SFPQ: variants seen among roughly 807,000 people sequenced by gnomAD.
The protein encoded by SFPQ is splicing factor, proline- and glutamine-rich.
In SFPQ, 11 loss-of-function variants were observed where a neutral mutation model predicts 72.9. The ratio of observed to expected loss-of-function variants is 0.15; its 90% CI spans 0.09 to 0.25. The LOEUF (loss-of-function observed/expected upper bound fraction) is 0.25. SFPQ is among the 10% of genes least tolerant of loss of function. The pLI is 1.00. For synonymous variants in SFPQ, 506 were observed against 367.3 expected, an observed-to-expected ratio of 1.38 and a Z score of -4.32; for missense variants, 847 against 993.3, an observed-to-expected ratio of 0.85 and a Z score of 1.98.
At position 35,192,640 on chromosome 1, in the gene SFPQ, G is replaced by A. The variant is rs777115964; in HGVS notation, c.410C>T (p.Pro137Leu). ...GGACCCTGGCGGGGCCCCCGAGGTT[G>A]GTGGAGTGGCGGGCGGGGCCGAGCT... ...ASSSAPPATP[P>L]TSGAPPGSGP... Residue 137 changes from proline (P) to leucine (L), a missense_variant, in exon 1 of 10, where the codon CCA becomes CTA. Physicochemically the swap from Pro to Leu is moderately conservative, Grantham distance 98. Transcript: ENST00000357214. The A allele has an allele frequency of 1.4e-6, 2 of 1,381,352 alleles. No homozygotes were observed. Among genetic ancestry groups the A allele is most frequent in the Non-Finnish European group, 1.9e-6 (2 of 1,077,274 alleles). 85.6% of individuals were successfully genotyped at this position (1,381,352 alleles called of 1,614,324 possible). A position where few individuals can be genotyped will look rare whatever the true frequency, so the allele number is the denominator to read the frequency against.
intron 1 of SFPQ, 83 bp from the exon 2 acceptor site, chr1:35,191,612 C>T: frequency 1.9e-6 from 2 of 1,061,972 alleles, no homozygotes; most frequent in South Asian, 1.5e-5. Flanking sequence ...TTATCTGAAA[C>T]CTATCAGTTG....
chr1:35,178,475 G>T (rs1364404924), downstream of SFPQ: 17 of 1,064,320 alleles, frequency 1.6e-5, no homozygotes, highest in Non-Finnish European at 1.8e-5. Flanking sequence ...CCTTCAGCAG[G>T]AGTCCTCCAA....
At chr1:35,181,798 A>T (rs1356700972), downstream of SFPQ, 1 of 984,894 alleles carries the variant, frequency 1.0e-6, no homozygotes, top group Non-Finnish European at 1.2e-6. Flanking sequence ...TATTAAGATT[A>T]TTTAAATTCA....
downstream of SFPQ, chr1:35,181,885 C>G (rs1333100034): frequency 1.0e-6 from 1 of 985,084 alleles, no homozygotes; most frequent in Non-Finnish European, 1.2e-6. Flanking sequence ...ACCCTGAGTA[C>G]ATTGCTGTTT....
downstream of SFPQ, chr1:35,179,574 T>C: frequency 9.5e-7 from 1 of 1,052,086 alleles, no homozygotes; most frequent in Non-Finnish European, 1.1e-6. Context: ...TTGAGTTTTT[T>C]AAAAAAACCC....
chr1:35,179,096 C>A, downstream of SFPQ: 1 of 1,057,394 alleles, frequency 9.5e-7, no homozygotes, highest in South Asian at 4.6e-5. Flanking sequence ...TAGCTGACAT[C>A]ACTAAAACAT....
At chr1:35,177,954 G>T, downstream of SFPQ, 1 of 1,046,524 alleles carries the variant, frequency 9.6e-7, no homozygotes, top group Non-Finnish European at 1.2e-6. Flanking sequence ...AAACTCAAAA[G>T]CCTGTAGGGG....
rs779410425 is a variant in SFPQ, at chr1:35,192,172, GGCC to G, written c.828+47_828+49del. Reference sequence around the variant, plus strand: ...AGCGCGGGGGCGGGGGCGAGGAGGGGGCCGCCGCCATCTTAGGGGAGCCGACGC... The same window carrying G: ...AGCGCGGGGGCGGGGGCGAGGAGGGGGCCGCCATCTTAGGGGAGCCGACGC... On this transcript the variant is annotated intron_variant, in intron 1 of 9. Transcript: ENST00000357214. The G allele has an allele frequency of 2.7e-5, 36 of 1,309,554 alleles. No homozygotes were observed. In the East Asian group the frequency reaches 7.1e-4, roughly 26 times the overall value. The allele number at this position is 1,309,554 out of a possible 1,614,324, so 81.1% of individuals were successfully genotyped here. A position where few individuals can be genotyped will look rare whatever the true frequency, so the allele number is the denominator to read the frequency against.
rs367647289 is a variant in SFPQ at position 35,188,074 on chromosome 1, G to A, written c.1714C>T (p.Arg572Cys). ...ATCATCATCTCTTCCTCTCTTCTAC[G>A]TCGTTCCTCCTCTTGCCTAGAAATA... ...EMQLRQEEERRRREEEMMIRQ... is the reference protein window; with the variant it reads ...EMQLRQEEERCRREEEMMIRQ... Residue 572 changes from arginine (R) to cysteine (C), a missense_variant, in exon 7 of 10, where the codon CGT becomes TGT. Transcript: ENST00000357214. The A allele has an allele frequency of 1.2e-6, 2 of 1,613,130 alleles. No homozygotes were observed. Among genetic ancestry groups the A allele is most frequent in the African/African-American group, 1.3e-5 (1 of 74,858 alleles).
intron 5 of SFPQ, among the ~76,000 whole-genome samples, chr1:35,176,858 A>G (rs1639263916): frequency 6.8e-6 from 1 of 147,398 alleles, no homozygotes; most frequent in Non-Finnish European, 1.5e-5. Flanking sequence ...TGGGCGACAG[A>G]GCAAGACTCC....
Position 35,183,223 on chromosome 1 carries a change from A to AC in SFPQ, c.*1232dup. The AC allele has an allele frequency of 1.0e-6, 1 of 968,642 alleles. No homozygotes were observed. The highest frequency in any genetic ancestry group is 1.2e-6 in the Non-Finnish European group (1 of 819,850). The allele number at this position is 968,642 out of a possible 1,614,324, so 60.0% of individuals were successfully genotyped here. On this transcript the variant is annotated 3_prime_UTR_variant, in exon 10 of 10. Coordinates refer to ENST00000357214, the MANE Select transcript of SFPQ (RefSeq NM_005066.3). ...ATAACTAAACCTACTTCAGTACTAA[A>AC]CCTTTTTTTTTTTTTGAGACAGAGT...
At position 35,183,225 on chromosome 1, in the gene SFPQ, C is replaced by CTT. The variant is rs776963224; in HGVS notation, c.*1229_*1230dup. ...AACTAAACCTACTTCAGTACTAAAC[C>CTT]TTTTTTTTTTTTTGAGACAGAGTCT... On this transcript the variant is annotated 3_prime_UTR_variant, in exon 10 of 10. Transcript: ENST00000357214. 472 of 758,488 alleles carry CTT rather than the reference C, an allele frequency of 6.2e-4. No homozygotes were observed. The highest frequency in any genetic ancestry group is 6.8e-4 in the South Asian group (10 of 14,720). The allele number at this position is 758,488 out of a possible 1,614,324, so 47.0% of individuals were successfully genotyped here. A position where few individuals can be genotyped will look rare whatever the true frequency, so the allele number is the denominator to read the frequency against.
intron 6 of SFPQ, 88 bp downstream of exon 6, chr1:35,188,915 T>C (rs889615897): frequency 1.0e-6 from 1 of 988,300 alleles, no homozygotes; most frequent in South Asian, 1.4e-5. Flanking sequence ...GAGCTGAGAC[T>C]GCACCACTGC....
downstream of SFPQ, chr1:35,182,562 A>G: frequency 1.0e-6 from 1 of 985,438 alleles, no homozygotes; most frequent in Non-Finnish European, 1.2e-6. Context: ...GAAAGTGCTC[A>G]GATTGTTCCA....
downstream of SFPQ, chr1:35,180,839 G>T: frequency 1.0e-6 from 1 of 985,344 alleles, no homozygotes; most frequent in Non-Finnish European, 1.2e-6. Flanking sequence ...CCACACCACT[G>T]ATGTGTTCCA....
chr1:35,181,696 T>C, downstream of SFPQ: 2 of 1,061,102 alleles, frequency 1.9e-6, no homozygotes, highest in Non-Finnish European at 2.3e-6. Context: ...TGGGGACAAG[T>C]GGTTTCTTTA....
At position 35,191,109 on chromosome 1, in the gene SFPQ, A is replaced by C. The variant is rs760294936; in HGVS notation, c.1018-114T>G. ...CTTCCTTCAGCTCAGTTCGACCATT[A>C]CCTTTAGGCAGCACCCACTAACACC... On this transcript the variant is annotated intron_variant, in intron 2 of 9. Coordinates refer to ENST00000357214, the MANE Select transcript of SFPQ (RefSeq NM_005066.3). 1,199 of 989,030 alleles carry C rather than the reference A, an allele frequency of 1.2e-3. 2 individuals carry two copies. Among genetic ancestry groups the C allele is most frequent in the Non-Finnish European group, 1.6e-3 (1,046 of 671,938 alleles). The allele number at this position is 989,030 out of a possible 1,614,324, so 61.3% of individuals were successfully genotyped here.
rs748429092 is a variant in SFPQ, at chr1:35,192,897, C to A, written c.153G>T (p.Pro51=). ...TCGGAGGCTTAGGGCCGCTCTGGCCCGGGCCAGGACCCATGGGGCCGCGAT... is the reference window on the plus strand; with the variant it reads ...TCGGAGGCTTAGGGCCGCTCTGGCCAGGGCCAGGACCCATGGGGCCGCGAT... The part of the protein sequence containing the change: ...NQNRGPMGPG[P]GQSGPKPPIP... Residue 51 remains proline (P), a synonymous_variant, in exon 1 of 10, where the codon CCG becomes CCT. Coordinates refer to ENST00000357214, the MANE Select transcript of SFPQ (RefSeq NM_005066.3). The A allele has an allele frequency of 3.9e-6, 6 of 1,554,512 alleles. No individual in the cohort carries two copies. The East Asian group carries it at 1.5e-4, about 38-fold the overall frequency.
chr1:35,177,285 G>A (rs938878151), intron 5 of SFPQ: 4 of 152,182 alleles, frequency 2.6e-5, no homozygotes, highest in African/African-American at 9.7e-5. Flanking sequence ...CCTTTCTGAA[G>A]ACAGTTTAAC....
Sources: allele counts gnomAD v4.1 joint callset (sites outside exome capture counted in the v4.1 genomes callset), GRCh38; gene constraint gnomAD v4.1.1; transcripts MANE v1.5; gene names NCBI Gene and HGNC (gene_info 2026-07-23, HGNC 2026-07-21).